STK40: variants seen among roughly 807,000 people sequenced by gnomAD.
STK40 encodes serine/threonine-protein kinase 40.
In STK40, 13 loss-of-function variants were observed where a neutral mutation model predicts 47.9. The ratio of observed to expected loss-of-function variants is 0.27; its 90% CI spans 0.18 to 0.43. The LOEUF (loss-of-function observed/expected upper bound fraction) is 0.43. STK40 is among the 20% of genes least tolerant of loss of function. STK40 has a pLI of 1.00. For synonymous variants in STK40, 225 were observed against 243.2 expected, an observed-to-expected ratio of 0.93 and a Z score of 0.69; for missense variants, 460 against 595.1, an observed-to-expected ratio of 0.77 and a Z score of 2.36.
chr1:36,367,219 AG>A (rs1253508246), intron 1 of STK40, among the ~76,000 whole-genome samples: 1 of 152,154 alleles, frequency 6.6e-6, no homozygotes, highest in Non-Finnish European at 1.5e-5. Context: ...GGAAGCTCAG[AG>A]AGGCAACAAT....
intron 1 of STK40, among the ~76,000 whole-genome samples, chr1:36,383,394 G>A (rs114879863): frequency 0.027 from 4,187 of 152,358 alleles, 213 homozygotes; most frequent in African/African-American, 0.095. Flanking sequence ...ATCCCAGGAA[G>A]AGAGGGGCAC....
intron 1 of STK40, among the ~76,000 whole-genome samples, chr1:36,365,053 A>G (rs574987051): frequency 3.2e-4 from 46 of 143,404 alleles, no homozygotes; most frequent in African/African-American, 9.6e-4. Flanking sequence ...GTGCAATGGC[A>G]TGATCTTGGC....
chr1:36,355,670 T>C (rs1224344337), intron 4 of STK40, among the ~76,000 whole-genome samples: 2 of 152,176 alleles, frequency 1.3e-5, no homozygotes, highest in African/African-American at 4.8e-5. Flanking sequence ...AGCTAAAACA[T>C]CTCAGGTGAA....
At chr1:36,346,706 A>T (rs1395277795) in intron 7 of STK40, among the ~76,000 whole-genome samples, 1 of 152,242 alleles carries the variant, frequency 6.6e-6, no homozygotes, top group East Asian at 1.9e-4. Flanking sequence ...TCATCCTCCA[A>T]GACTGGCACG....
chr1:36,349,977 A>T (rs1433652827), intron 6 of STK40, among the ~76,000 whole-genome samples: 1 of 152,164 alleles, frequency 6.6e-6, no homozygotes, highest in Non-Finnish European at 1.5e-5. Flanking sequence ...ATCAGCTCTC[A>T]GAGGCAGAGG....
At chr1:36,358,110 T>C in intron 4 of STK40, 129 bp downstream of exon 4, 1 of 1,194,044 alleles carries the variant, frequency 8.4e-7, no homozygotes, top group Non-Finnish European at 1.1e-6. Flanking sequence ...CTGGAAGTCC[T>C]GATGTACCTA....
Position 36,376,055 on chromosome 1 carries a change from G to A in STK40, c.-9+9668C>T, listed in dbSNP as rs192562227. Among the ~76,000 whole-genome samples the A allele has an allele frequency of 2.4e-3, 358 of 152,160 alleles. 3 individuals carry two copies. Among genetic ancestry groups the A allele is most frequent in the African/African-American group, 8.2e-3 (341 of 41,508 alleles). On this transcript the variant is annotated intron_variant, in intron 1 of 10. Transcript: ENST00000373132. ...AAAAAAAATTCACGACTTTGACAGCGAGCAATACAATTCACTTTCTGAAGT... is the reference window on the plus strand; with the variant it reads ...AAAAAAAATTCACGACTTTGACAGCAAGCAATACAATTCACTTTCTGAAGT...
intron 1 of STK40, chr1:36,367,961 G>C (rs1646915621): frequency 4.6e-6 from 4 of 872,552 alleles, no homozygotes; most frequent in Non-Finnish European, 4.1e-6. Context: ...GGAGGAGTCT[G>C]GAATTCAGAC....
At chr1:36,366,343 C>T (rs1010816113) in intron 1 of STK40, among the ~76,000 whole-genome samples, 4 of 152,146 alleles carry the variant, frequency 2.6e-5, no homozygotes, top group East Asian at 1.9e-4. Context: ...TGGCAACAGA[C>T]GCGCAGGGAG....
chr1:36,380,465 C>T (rs1175524917), intron 1 of STK40, among the ~76,000 whole-genome samples: 2 of 152,176 alleles, frequency 1.3e-5, no homozygotes, highest in Admixed American at 6.5e-5. Context: ...TCCTGGGTGG[C>T]CTCTGGCAGA....
chr1:36,371,676 C>CT (rs1429271492), intron 1 of STK40, among the ~76,000 whole-genome samples: 1 of 141,180 alleles, frequency 7.1e-6, no homozygotes, highest in African/African-American at 2.7e-5. Context: ...CAGAGCAAGA[C>CT]CCTGTCTCCA....
chr1:36,354,301 T>C (rs1468653011), intron 6 of STK40, 63 bp downstream of exon 6: 2 of 1,572,420 alleles, frequency 1.3e-6, no homozygotes, highest in East Asian at 2.2e-5. Flanking sequence ...CACTGGAGAG[T>C]TGCAATGTGT....
In STK40 at chr1:36,382,120, C is replaced by G. The variant is rs192348123; in HGVS notation, c.-9+3603G>C. 4.6e-5 allele frequency among the ~76,000 whole-genome samples: 7 copies of G among 152,228 alleles called. No homozygotes were observed. In the East Asian group the frequency reaches 1.4e-3, roughly 29 times the overall value. The stretch of plus-strand genomic sequence containing the variant: ...CTCTTGATGCTGCTTATTCAGGTAC[C>G]AGACTAGGGTTGCTAGCAGGGACAC... On this transcript the variant is annotated intron_variant, in intron 1 of 10. Coordinates refer to ENST00000373132, the MANE Select transcript of STK40 (RefSeq NM_001282547.2).
intron 4 of STK40, 86 bp from the exon 5 acceptor site, chr1:36,355,519 C>T: frequency 2.9e-6 from 4 of 1,390,852 alleles, no homozygotes; most frequent in Non-Finnish European, 4.1e-6. Context: ...TGGAGTGGGA[C>T]ACTCAAACCA....
chr1:36,357,478 C>A (rs1274660692), intron 4 of STK40, among the ~76,000 whole-genome samples: 2 of 152,202 alleles, frequency 1.3e-5, no homozygotes, highest in Non-Finnish European at 2.9e-5. Context: ...AACTTCAGTG[C>A]TGCCCCAAGA....
chr1:36,356,989 T>G (rs1245082791), intron 4 of STK40, among the ~76,000 whole-genome samples: 3 of 152,204 alleles, frequency 2.0e-5, no homozygotes, highest in African/African-American at 7.2e-5. Context: ...TAATTGCAAA[T>G]CTAAGAACAA....
intron 1 of STK40, among the ~76,000 whole-genome samples, chr1:36,371,323 G>A (rs1006095438): frequency 6.6e-6 from 1 of 151,556 alleles, no homozygotes; most frequent in Admixed American, 6.6e-5. Flanking sequence ...GGGAGGCTGA[G>A]GCGGGTGGAT....
chr1:36,354,580 G>A (rs58698986), intron 5 of STK40, among the ~76,000 whole-genome samples, 164 bp from the exon 6 acceptor site: 2,587 of 152,254 alleles, frequency 0.017, 77 homozygotes, highest in African/African-American at 0.058. Flanking sequence ...TTCTAAGTTC[G>A]CGTGACCTGC....
At chr1:36,378,483 G>T (rs541114305) in intron 1 of STK40, among the ~76,000 whole-genome samples, 1 of 151,162 alleles carries the variant, frequency 6.6e-6, no homozygotes, top group Non-Finnish European at 1.5e-5. Flanking sequence ...TTTTTGAGAC[G>T]GAGTCTTGCT....
Sources: gnomAD v4.1 joint callset for allele counts (sites outside exome capture counted in the v4.1 genomes callset) on GRCh38, gnomAD v4.1.1 for gene constraint, MANE v1.5 for transcripts, NCBI Gene and HGNC (gene_info 2026-07-23, HGNC 2026-07-21) for gene names.